MGST1: variants seen among roughly 807,000 people sequenced by gnomAD.
MGST1 encodes the protein glutathione S-transferase 12.
A neutral mutation model predicts 8.9 loss-of-function variants in MGST1; 5 were observed. The observed-to-expected ratio is 0.56, with a 90% CI of 0.29 to 1.19. MGST1 has a LOEUF of 1.19. Among genes scored for constraint, MGST1 ranks in the 50% most tolerant of loss-of-function variants. The pLI, the probability that MGST1 is intolerant of heterozygous loss-of-function variation, is 0.08. For synonymous variants in MGST1, 54 were observed against 67.8 expected, an observed-to-expected ratio of 0.80 and a Z score of 1.00; for missense variants, 182 against 187.4, an observed-to-expected ratio of 0.97 and a Z score of 0.17.
chr12:16,516,517 C>T (rs1941616550), intron 4 of MGST1, among the ~76,000 whole-genome samples: 1 of 152,160 alleles, frequency 6.6e-6, no homozygotes, highest in African/African-American at 2.4e-5. Context: ...GGGCAAGTTT[C>T]TTAGTCTTTC....
intron 4 of MGST1, among the ~76,000 whole-genome samples, chr12:16,489,621 G>T (rs1045254513): frequency 2.0e-4 from 30 of 152,112 alleles, no homozygotes; most frequent in African/African-American, 7.0e-4. Context: ...ATCATTTAAT[G>T]CTTACAACAA....
intron 4 of MGST1, among the ~76,000 whole-genome samples, chr12:16,521,767 G>A (rs1941649595): frequency 6.6e-6 from 1 of 152,088 alleles, no homozygotes; most frequent in East Asian, 1.9e-4. Context: ...TTTATGAGCT[G>A]AGATTAGCAC....
At chr12:16,379,165 C>T (rs1940425486), downstream of MGST1, among the ~76,000 whole-genome samples, 1 of 152,166 alleles carries the variant, frequency 6.6e-6, no homozygotes, top group Non-Finnish European at 1.5e-5. Context: ...ATTGTCCTGG[C>T]CAGAACTTCC....
chr12:16,569,273 GT>G (rs1168115551), intron 4 of MGST1, among the ~76,000 whole-genome samples: 2 of 152,134 alleles, frequency 1.3e-5, no homozygotes, highest in Non-Finnish European at 1.5e-5. Flanking sequence ...ATCCAAATTT[GT>G]TTTTCCTTCT....
chr12:16,371,874 T>C (rs1940299137), intron 3 of MGST1, among the ~76,000 whole-genome samples: 1 of 151,934 alleles, frequency 6.6e-6, no homozygotes, highest in South Asian at 2.1e-4. Flanking sequence ...AACCCAGAAA[T>C]AAATCCATGA....
chr12:16,399,691 C>G, intron 1 of MGST1: 3 of 1,361,382 alleles, frequency 2.2e-6, no homozygotes, highest in Non-Finnish European at 3.2e-6. Context: ...AAAAAGCCCT[C>G]AGGGTCATCA....
intron 4 of MGST1, among the ~76,000 whole-genome samples, chr12:16,479,274 G>A (rs202031568): frequency 3.2e-4 from 38 of 117,330 alleles, no homozygotes; most frequent in Non-Finnish European, 5.4e-4. Flanking sequence ...TCGCTCTGTC[G>A]CCCAGGCTGG....
chr12:16,488,684 T>C (rs1455817598), intron 4 of MGST1, among the ~76,000 whole-genome samples: 1 of 152,132 alleles, frequency 6.6e-6, no homozygotes, highest in African/African-American at 2.4e-5. Flanking sequence ...ATGTACATAT[T>C]ATTAATATGT....
chr12:16,358,669 T>C (rs1939840042), intron 3 of MGST1, among the ~76,000 whole-genome samples: 1 of 152,010 alleles, frequency 6.6e-6, no homozygotes. Flanking sequence ...GGTTTCACCA[T>C]GTTGGCCAGG....
At chr12:16,448,214 G>T (rs1167129403) in intron 4 of MGST1, among the ~76,000 whole-genome samples, 2 of 151,816 alleles carry the variant, frequency 1.3e-5, no homozygotes, top group African/African-American at 4.8e-5. Context: ...AAACATTATT[G>T]TCCTTCAAAT....
intron 1 of MGST1, chr12:16,348,881 C>G (rs1383585107): frequency 6.6e-6 from 1 of 151,162 alleles, no homozygotes; most frequent in Non-Finnish European, 1.5e-5. Context: ...ATTTTTCTAC[C>G]GCTTTGTTTT....
Position 16,518,287 on chromosome 12 carries a change from T to A in MGST1, n.483-71241T>A, listed in dbSNP as rs1321366936. Among the ~76,000 whole-genome samples the A allele has an allele frequency of 2.0e-5, 3 of 152,126 alleles. No individual in the cohort carries two copies. In the East Asian group the frequency reaches 5.8e-4, roughly 29 times the overall value. On this transcript the variant is annotated intron_variant and non_coding_transcript_variant, in intron 4 of 4. Transcript: ENST00000538857. ...TCTGCCTTGGAGCCTCTCCACTCATTCTTCTCTTCGCCTGGAAATTTCTTT... is the reference window on the plus strand; with the variant it reads ...TCTGCCTTGGAGCCTCTCCACTCATACTTCTCTTCGCCTGGAAATTTCTTT...
chr12:16,516,591 A>G (rs1004818130), intron 4 of MGST1, among the ~76,000 whole-genome samples: 2 of 152,222 alleles, frequency 1.3e-5, no homozygotes, highest in Admixed American at 6.5e-5. Flanking sequence ...GGTGGCTCCC[A>G]GTCTGAAATT....
chr12:16,424,329 A>C (rs934093060), intron 1 of MGST1, among the ~76,000 whole-genome samples: 1 of 152,194 alleles, frequency 6.6e-6, no homozygotes, highest in Non-Finnish European at 1.5e-5. Flanking sequence ...AGAAACAGAC[A>C]ATATTTTCAA....
intron 1 of MGST1, among the ~76,000 whole-genome samples, chr12:16,388,162 G>T (rs79361308): frequency 0.47 from 70,323 of 150,718 alleles, 16,585 homozygotes; most frequent in East Asian, 0.73. Flanking sequence ...GACAAAAACT[G>T]CAATTACTTT....
Position 16,458,984 on chromosome 12 carries a change from G to A in MGST1, n.482+75380G>A, listed in dbSNP as rs1941199545. Among the ~76,000 whole-genome samples the A allele has an allele frequency of 1.3e-5, 2 of 152,026 alleles. No individual in the cohort carries two copies. Among genetic ancestry groups the A allele is most frequent in the South Asian group, 4.1e-4 (2 of 4,828 alleles). ...GGCAGAATTTCATACCCAGAGCACT[G>A]CTGAGCCTTGTTAGCAACCCTGGCC... is the stretch of plus-strand genomic sequence containing the variant. On this transcript the variant is annotated intron_variant and non_coding_transcript_variant, in intron 4 of 4. Transcript: ENST00000538857. This position sits in a 1 kb window ranked among gnomAD's most constrained non-coding sequence, Gnocchi z 4.0.
rs533721451 is a variant in MGST1 at position 16,357,594 on chromosome 12, T to C, written c.127-11T>C. ...ATTTGAAATAAGTTTTTTTTCTTGGTATTTGGATAGGTTTTTGCCAATCCA... is the reference window on the plus strand; with the variant it reads ...ATTTGAAATAAGTTTTTTTTCTTGGCATTTGGATAGGTTTTTGCCAATCCA... On this transcript the variant is annotated splice_polypyrimidine_tract_variant and intron_variant, in intron 2 of 3. Coordinates refer to ENST00000396210, the MANE Select transcript of MGST1 (RefSeq NM_020300.5). 1 of 1,605,948 alleles carries C rather than the reference T, an allele frequency of 6.2e-7. No homozygotes were observed. Among genetic ancestry groups the C allele is most frequent in the South Asian group, 1.1e-5 (1 of 89,766 alleles).
chr12:16,551,406 T>A (rs1056898869), intron 4 of MGST1: 36 of 873,374 alleles, frequency 4.1e-5, no homozygotes, highest in Admixed American at 2.0e-5. Flanking sequence ...ATTTTCCTAT[T>A]AATAGTTTCG....
intron 4 of MGST1, among the ~76,000 whole-genome samples, chr12:16,528,793 A>G (rs141402878): frequency 5.9e-4 from 90 of 152,168 alleles, no homozygotes; most frequent in African/African-American, 2.1e-3. Context: ...CATAACATAT[A>G]TAAGTATGAA....
Sources: allele counts gnomAD v4.1 joint callset (sites outside exome capture counted in the v4.1 genomes callset), GRCh38; gene constraint gnomAD v4.1.1; non-coding constraint Gnocchi (gnomAD v3.1); transcripts MANE v1.5; gene names NCBI Gene and HGNC (gene_info 2026-07-23, HGNC 2026-07-21).